UBAP2L: variants seen among roughly 807,000 people sequenced by gnomAD.
UBAP2L encodes the protein ubiquitin-associated protein 2-like.
In UBAP2L, 12 loss-of-function variants were observed where a neutral mutation model predicts 130.6. That is an observed-to-expected ratio of 0.09 (90% CI 0.06 to 0.15). UBAP2L has a LOEUF of 0.15. Among genes scored for constraint, UBAP2L ranks in the 10% least tolerant of loss-of-function variants. The pLI is 1.00. For missense variants in UBAP2L, 965 were observed against 1,332.5 expected, an observed-to-expected ratio of 0.72 and a Z score of 4.29; for synonymous variants, 503 against 524.7, an observed-to-expected ratio of 0.96 and a Z score of 0.57.
intron 26 of UBAP2L, chr1:154,269,437 C>T: frequency 1.5e-6 from 2 of 1,305,300 alleles, no homozygotes; most frequent in Non-Finnish European, 2.0e-6. Context: ...TGATCATATG[C>T]TTGAACCCAC....
intron 3 of UBAP2L, among the ~76,000 whole-genome samples, 186 bp from the exon 4 acceptor site, chr1:154,228,429 C>T (rs960624622): frequency 1.3e-5 from 2 of 152,202 alleles, no homozygotes; most frequent in South Asian, 2.1e-4. Context: ...TCAGGTGATC[C>T]GCCCACCTCA....
intron 3 of UBAP2L, 112 bp from the exon 4 acceptor site, chr1:154,228,503 T>G: frequency 1.2e-6 from 1 of 808,938 alleles, no homozygotes; most frequent in South Asian, 1.7e-5. Flanking sequence ...TTTTGCTTTT[T>G]AAACTTGTTT....
At chr1:154,270,983 C>A, downstream of UBAP2L, 1 of 1,535,048 alleles carries the variant, frequency 6.5e-7, no homozygotes, top group Non-Finnish European at 8.8e-7. Flanking sequence ...AAAATGAAAT[C>A]TTCGCCCTTT....
At chr1:154,269,672 C>T (rs1684302952) in intron 26 of UBAP2L, 1 of 341,562 alleles carries the variant, frequency 2.9e-6, no homozygotes, top group Non-Finnish European at 5.8e-6. Flanking sequence ...GCATCTGGAG[C>T]CTGAGGCCTC....
At position 154,268,936 on chromosome 1, in the gene UBAP2L, C is replaced by T. The variant is rs1417516923; in HGVS notation, c.3150C>T (p.His1050=). ...QQPHSQILHH[H]LQQDGQTGSG... ...CGCATTCTCAGATCCTTCACCATCACCTGCAGCAGGATGGCCAGGTAATAG... is the reference window on the plus strand; with the variant it reads ...CGCATTCTCAGATCCTTCACCATCATCTGCAGCAGGATGGCCAGGTAATAG... The change falls in exon 26 of 27, where the codon CAC becomes CAT. Residue 1050 remains histidine, a synonymous_variant. Transcript: ENST00000428931. 5 of 1,613,882 alleles carry T rather than the reference C, an allele frequency of 3.1e-6. No individual in the cohort carries two copies. Among genetic ancestry groups the T allele is most frequent in the Non-Finnish European group, 4.2e-6 (5 of 1,179,966 alleles).
intron 8 of UBAP2L, among the ~76,000 whole-genome samples, chr1:154,239,552 G>A (rs1672806069): frequency 6.6e-6 from 1 of 152,144 alleles, no homozygotes; most frequent in African/African-American, 2.4e-5. Flanking sequence ...GTTGTTTAGA[G>A]CATTTCCATC....
chr1:154,247,412 C>T (rs760486431), intron 11 of UBAP2L, among the ~76,000 whole-genome samples: 20 of 151,992 alleles, frequency 1.3e-4, no homozygotes, highest in Non-Finnish European at 2.2e-4. Context: ...GAAAATAGGA[C>T]AAAGGTTGTA....
intron 15 of UBAP2L, 111 bp from the exon 16 acceptor site, chr1:154,254,723 CAG>C (rs1679035589): frequency 1.7e-6 from 2 of 1,149,116 alleles, no homozygotes; most frequent in African/African-American, 1.6e-5. Flanking sequence ...GGTTAATTTA[CAG>C]AGTTTCTCCT....
Position 154,254,092 on chromosome 1 carries a change from A to T in UBAP2L, c.1854+3A>T. 6.5e-7 allele frequency: 1 copy of T among 1,533,334 alleles called. No homozygotes were observed. The highest frequency in any genetic ancestry group is 8.7e-7 in the Non-Finnish European group (1 of 1,144,908). The allele number at this position is 1,533,334 out of a possible 1,614,324, so 95.0% of individuals were successfully genotyped here. On this transcript the variant is annotated splice_donor_region_variant and intron_variant, in intron 15 of 26. Transcript: ENST00000428931. The stretch of plus-strand genomic sequence containing the variant: ...AAAAGGACCTGACTCAGGCAAAGGT[A>T]GTGGCTTCATGAACCCTTGGGAATT...
In UBAP2L at chr1:154,261,621, T is replaced by C. The variant is rs764326870; in HGVS notation, c.2826T>C (p.Gly942=). The part of the protein sequence containing the change: ...PVAPTSSKQH[G]VNVSVNASAT... ...CTCCTACCTCTTCCAAGCAGCATGG[T>C]GTGAATGTCAGTGTGAATGCATCGG... Residue 942 remains glycine, a synonymous_variant, in exon 24 of 27, where the codon GGT becomes GGC. Transcript: ENST00000428931. 1.2e-5 allele frequency: 19 copies of C among 1,613,950 alleles called. No homozygotes were observed. Among genetic ancestry groups the C allele is most frequent in the African/African-American group, 2.7e-5 (2 of 74,868 alleles).
chr1:154,240,647 A>G (rs1673214389), intron 8 of UBAP2L, among the ~76,000 whole-genome samples: 1 of 152,112 alleles, frequency 6.6e-6, no homozygotes, highest in Non-Finnish European at 1.5e-5. Flanking sequence ...TGCATTTTTA[A>G]TCTAATTCTC....
At chr1:154,267,469 A>T (rs975040517) in intron 25 of UBAP2L, among the ~76,000 whole-genome samples, 1 of 149,504 alleles carries the variant, frequency 6.7e-6, no homozygotes, top group African/African-American at 2.5e-5. Context: ...CTATTTTTGT[A>T]AGGAATATTG....
At chr1:154,254,459 T>C (rs146883101) in intron 15 of UBAP2L, among the ~76,000 whole-genome samples, 13 of 152,088 alleles carry the variant, frequency 8.5e-5, no homozygotes, top group Non-Finnish European at 1.8e-4. Context: ...TGATGTGGAG[T>C]GAGTGTCAGA....
chr1:154,270,110 A>G, intron 26 of UBAP2L, 90 bp from the exon 27 acceptor site: 1 of 1,459,420 alleles, frequency 6.9e-7, no homozygotes, highest in Non-Finnish European at 9.2e-7. Context: ...AGAGCAAGAC[A>G]GTTTGCACAT....
At chr1:154,232,272 C>T (rs772365555) in intron 4 of UBAP2L, among the ~76,000 whole-genome samples, 2 of 150,298 alleles carry the variant, frequency 1.3e-5, no homozygotes, top group South Asian at 2.1e-4. Context: ...TGCAGTGAGC[C>T]GAGATCGCAC....
chr1:154,225,271 C>T, intron 2 of UBAP2L, 58 bp downstream of exon 2: 1 of 1,555,850 alleles, frequency 6.4e-7, no homozygotes, highest in South Asian at 1.1e-5. Context: ...TACTGGTTTC[C>T]ATGCAGTACA....
rs535615038 is a variant in UBAP2L at position 154,270,411 on chromosome 1, A to T, written c.*116A>T. 3.0e-6 allele frequency: 3 copies of T among 1,013,946 alleles called. No homozygotes were observed. Among genetic ancestry groups the T allele is most frequent in the Non-Finnish European group, 4.4e-6 (3 of 688,852 alleles). The allele number at this position is 1,013,946 out of a possible 1,614,324, so 62.8% of individuals were successfully genotyped here. ...GGGGTTTCCGCTGCCCCCCACCCCC[A>T]GCGGCCCACCCCATGCCTCAGCTTC... On this transcript the variant is annotated 3_prime_UTR_variant, in exon 27 of 27. Coordinates refer to ENST00000428931, the MANE Select transcript of UBAP2L (RefSeq NM_014847.4).
At chr1:154,241,992 C>G (rs981228805) in intron 9 of UBAP2L, among the ~76,000 whole-genome samples, 6 of 152,154 alleles carry the variant, frequency 3.9e-5, no homozygotes, top group African/African-American at 1.4e-4. Flanking sequence ...GTTGTGGTAC[C>G]AAATCCTCAA....
rs1443908596 is a variant in UBAP2L at position 154,268,737 on chromosome 1, C to A, written c.2971-20C>A. 4 of 1,613,378 alleles carry A rather than the reference C, an allele frequency of 2.5e-6. No individual in the cohort carries two copies. Among genetic ancestry groups the A allele is most frequent in the Non-Finnish European group, 3.4e-6 (4 of 1,179,562 alleles). On this transcript the variant is annotated intron_variant, in intron 25 of 26. Transcript: ENST00000428931. ...TTTGCTGATCCCTTTTACTCTGTCTCCTCCTGGCCTCCTGGATAGCAGTCC... is the reference window on the plus strand; with the variant it reads ...TTTGCTGATCCCTTTTACTCTGTCTACTCCTGGCCTCCTGGATAGCAGTCC...
Sources: allele counts gnomAD v4.1 joint callset (sites outside exome capture counted in the v4.1 genomes callset), GRCh38; gene constraint gnomAD v4.1.1; transcripts MANE v1.5; gene names NCBI Gene and HGNC (gene_info 2026-07-23, HGNC 2026-07-21).